The following RNF213 variants were observed in gnomAD, a reference collection of about 807,000 sequenced individuals.
RNF213 encodes the protein ring finger protein 213, also known as E3 ubiquitin-protein ligase RNF213.
In RNF213, 341 loss-of-function variants were observed where a neutral mutation model predicts 514.4. The observed-to-expected ratio is 0.66, with a 90% CI of 0.61 to 0.73. The LOEUF is 0.73. RNF213 is among the 30% of genes least tolerant of loss of function. The pLI, the probability that RNF213 is intolerant of heterozygous loss-of-function variation, is 0.00. For synonymous variants in RNF213, 2,655 were observed against 2,658.2 expected (o/e 1.00, Z 0.04); for missense variants, 5,767 against 6,615.6 (o/e 0.87, Z 4.45).
intron 57 of RNF213, chr17:80,381,968 C>T (rs2080025591): frequency 1.9e-6 from 1 of 533,086 alleles, no homozygotes; most frequent in Non-Finnish European, 3.4e-6. Flanking sequence ...TCCCTCCATT[C>T]ACCCCTGCCT....
At chr17:80,355,587 T>C (rs1599107493) in intron 36 of RNF213, among the ~76,000 whole-genome samples, 1 of 62,104 alleles carries the variant, frequency 1.6e-5, no homozygotes, top group Non-Finnish European at 3.2e-5. Flanking sequence ...TGAGTGGGAA[T>C]GGGGGCTTAC....
intron 62 of RNF213, 116 bp downstream of exon 62, chr17:80,386,546 C>A: frequency 7.1e-7 from 1 of 1,408,074 alleles, no homozygotes; most frequent in Non-Finnish European, 9.9e-7. Flanking sequence ...CTCCTTCAGC[C>A]GCCCCCACCA....
chr17:80,308,336 C>A lies in RNF213; in HGVS notation c.2502-682C>A, dbSNP rs150706422. Among the ~76,000 whole-genome samples, 4 of 152,186 alleles carry A rather than the reference C, an allele frequency of 2.6e-5. No individual in the cohort carries two copies. In the East Asian group the frequency reaches 7.7e-4, roughly 29 times the overall value. ...TCAGCCCAGGGAGTCCTTTCTTACA[C>A]CGCCTTCCCAGTCCCCTCCATCAAC... is the stretch of plus-strand genomic sequence containing the variant. On this transcript the variant is annotated intron_variant, in intron 13 of 67. Coordinates refer to ENST00000582970, the MANE Select transcript of RNF213 (RefSeq NM_001256071.3).
chr17:80,298,640 C>G lies in RNF213; in HGVS notation c.2210+122C>G. The G allele has an allele frequency of 2.9e-6, 3 of 1,029,940 alleles. No homozygotes were observed. The South Asian group carries it at 4.1e-5, about 14-fold the overall frequency. The allele number at this position is 1,029,940 out of a possible 1,614,324, so 63.8% of individuals were successfully genotyped here. A position where few individuals can be genotyped will look rare whatever the true frequency, so the allele number is the denominator to read the frequency against. On this transcript the variant is annotated intron_variant, in intron 11 of 67. Coordinates refer to ENST00000582970, the MANE Select transcript of RNF213 (RefSeq NM_001256071.3). ...CCTGATTCTAATGACAGAACTAACA[C>G]ACGCTCTTTTAACATTTTAAGACAT...
intron 36 of RNF213, 128 bp downstream of exon 36, chr17:80,354,704 C>A: frequency 8.1e-7 from 1 of 1,236,134 alleles, no homozygotes; most frequent in Non-Finnish European, 1.2e-6. Flanking sequence ...CTCAGCCATT[C>A]AAAGCTGTAA....
chr17:80,343,745 T>C lies in RNF213; in HGVS notation c.6184-112T>C. 1.8e-6 allele frequency: 2 copies of C among 1,099,596 alleles called. No homozygotes were observed. The highest frequency in any genetic ancestry group is 2.3e-5 in the East Asian group (1 of 42,556). 68.1% of individuals were successfully genotyped at this position (1,099,596 alleles called of 1,614,324 possible). ...GGGCCGTTGTTGGCTGAAATGTTGA[T>C]GTTGATCATCAGGATCATCGTGACA... On this transcript the variant is annotated intron_variant, in intron 27 of 67. Coordinates refer to ENST00000582970, the MANE Select transcript of RNF213 (RefSeq NM_001256071.3). This position sits in a 1 kb window ranked among gnomAD's most constrained non-coding sequence, Gnocchi z 4.3.
chr17:80,279,700 C>G (rs530321213), intron 3 of RNF213, among the ~76,000 whole-genome samples: 31 of 152,138 alleles, frequency 2.0e-4, no homozygotes, highest in Admixed American at 1.2e-3. Flanking sequence ...AACTCCTGGC[C>G]TCAAATGATC....
intron 48 of RNF213, 23 bp from the exon 49 acceptor site, chr17:80,372,952 C>T: frequency 3.7e-6 from 6 of 1,609,536 alleles, no homozygotes; most frequent in Non-Finnish European, 4.2e-6. Flanking sequence ...AGCCACTCAC[C>T]CGCTTTCTCG....
At position 80,383,709 on chromosome 17, in the gene RNF213, TCTC is replaced by T; in HGVS notation, c.14104_14106del (p.Leu4702del). ...ATAAAACCCTTCCCACCATGAATAATCTCATCAGCCAAGATAAGCGTATCAGCT... is the reference window on the plus strand; with the variant it reads ...ATAAAACCCTTCCCACCATGAATAATATCAGCCAAGATAAGCGTATCAGCT... On this transcript the variant is annotated inframe_deletion, in exon 59 of 68. Transcript: ENST00000582970. The T allele has an allele frequency of 1.9e-6, 3 of 1,613,932 alleles. No homozygotes were observed. The highest frequency in any genetic ancestry group is 2.5e-6 in the Non-Finnish European group (3 of 1,179,968).
intron 7 of RNF213, 45 bp downstream of exon 7, chr17:80,290,773 T>A (rs1344734380): frequency 6.2e-7 from 1 of 1,610,324 alleles, no homozygotes; most frequent in Non-Finnish European, 8.5e-7. Context: ...AGGGAAGGCA[T>A]AGGATGCCCA....
chr17:80,347,784 T>C lies in RNF213; in HGVS notation c.9449T>C (p.Val3150Ala). The C allele has an allele frequency of 1.9e-6, 3 of 1,614,182 alleles. No homozygotes were observed. Among genetic ancestry groups the C allele is most frequent in the Non-Finnish European group, 2.5e-6 (3 of 1,180,038 alleles). ...CRVHPNFRLI[V>A]IEEKDVVYKH... ...GTTCACCCCAACTTCCGCCTGATTG[T>C]CATTGAAGAGAAAGACGTCGTGTAC... The change falls in exon 29 of 68, where the codon GTC (valine) becomes GCC (alanine). Residue 3150 changes from valine (V) to alanine (A), a missense_variant. Val to Ala is a moderately conservative substitution (Grantham distance 64). Around this residue, in one of 13 missense-constraint regions of RNF213, gnomAD observed 919 missense variants for 1,121.0 expected, o/e 0.82. Transcript: ENST00000582970. The surrounding 1 kb of genome is among the most constrained non-coding windows in gnomAD (Gnocchi z 7.2).
In RNF213 at chr17:80,292,105, T is replaced by C. The variant is rs547335318; in HGVS notation, c.1471+278T>C. The C allele has an allele frequency of 7.0e-4, 347 of 497,334 alleles. 1 individual carries two copies. The highest frequency in any genetic ancestry group is 9.5e-4 in the Non-Finnish European group (257 of 271,086). 30.8% of individuals were successfully genotyped at this position (497,334 alleles called of 1,614,324 possible). ...GCAAAGGACTTTTTGTTTGTTTGTT[T>C]TCTGAGACAGAGTCTGTCGCTCAGG... On this transcript the variant is annotated intron_variant, in intron 8 of 67. Coordinates refer to ENST00000582970, the MANE Select transcript of RNF213 (RefSeq NM_001256071.3).
At position 80,363,618 on chromosome 17, in the gene RNF213, G is replaced by A. The variant is rs531538248; in HGVS notation, c.11578G>A (p.Ala3860Thr). 9 of 1,613,790 alleles carry A rather than the reference G, an allele frequency of 5.6e-6. No individual in the cohort carries two copies. Among genetic ancestry groups the A allele is most frequent in the Admixed American group, 5.0e-5 (3 of 60,028 alleles). ...ELAGCEMTLD[A>T]FAAMACTEML... is the part of the protein sequence containing the mutation. ...CTGTCCGTCTCCCCAGACCCTGGACGCATTTGCCGCAATGGCCTGCACGGA... is the reference window on the plus strand; with the variant it reads ...CTGTCCGTCTCCCCAGACCCTGGACACATTTGCCGCAATGGCCTGCACGGA... The change falls in exon 41 of 68, where the codon GCA (alanine) becomes ACA (threonine). Residue 3860 changes from alanine to threonine, a missense_variant. This residue lies in a region of RNF213 where 355 missense variants were observed against 358.0 expected (regional missense o/e 0.99). Transcript: ENST00000582970.
At position 80,374,360 on chromosome 17, in the gene RNF213, C is replaced by T. The variant is rs929670316; in HGVS notation, c.12943-98C>T. Reference sequence around the variant, plus strand: ...GAATCCCAGCTTGGCTGCCTTTAAACCTCGAATGATCAACCACCTGGTTCC... The same window carrying T: ...GAATCCCAGCTTGGCTGCCTTTAAATCTCGAATGATCAACCACCTGGTTCC... On this transcript the variant is annotated intron_variant, in intron 49 of 67. Coordinates refer to ENST00000582970, the MANE Select transcript of RNF213 (RefSeq NM_001256071.3). The T allele has an allele frequency of 6.5e-6, 10 of 1,539,094 alleles. No individual in the cohort carries two copies. In the African/African-American group the frequency reaches 8.2e-5, roughly 13 times the overall value.
In RNF213 at chr17:80,345,411, T is replaced by C. The variant is rs767534654; in HGVS notation, c.7076T>C (p.Val2359Ala). The C allele has an allele frequency of 1.9e-6, 3 of 1,613,796 alleles. No individual in the cohort carries two copies. Among genetic ancestry groups the C allele is most frequent in the Non-Finnish European group, 2.5e-6 (3 of 1,179,880 alleles). Residue 2359 changes from valine (V) to alanine (A), a missense_variant, in exon 29 of 68, where the codon GTG (valine) becomes GCG (alanine). This residue lies in a region of RNF213 where 1,377 missense variants were observed against 1,635.2 expected (regional missense o/e 0.84). Transcript: ENST00000582970. The surrounding 1 kb of genome is among the most constrained non-coding windows in gnomAD (Gnocchi z 6.0). ...DLYQGLLLQR[V>A]PFNVDFDKLP... ...TACCAGGGCCTGCTGCTCCAGAGGG[T>C]GCCCTTCAATGTCGACTTTGATAAA... is the stretch of plus-strand genomic sequence containing the variant.
In RNF213 at chr17:80,383,710, C is replaced by G. The variant is rs758814638; in HGVS notation, c.14104C>G (p.Leu4702Val). 1 of 1,613,938 alleles carries G rather than the reference C, an allele frequency of 6.2e-7. No homozygotes were observed. The highest frequency in any genetic ancestry group is 8.5e-7 in the Non-Finnish European group (1 of 1,179,962). ...LDKTLPTMNNLISQDKRISSN... is the reference protein window; with the variant it reads ...LDKTLPTMNNVISQDKRISSN... ...TAAAACCCTTCCCACCATGAATAAT[C>G]TCATCAGCCAAGATAAGCGTATCAG... The change falls in exon 59 of 68, where the codon CTC (leucine) becomes GTC (valine). Residue 4702 changes from leucine to valine, a missense_variant. Physicochemically the swap from Leu to Val is conservative, Grantham distance 32. Around this residue, in one of 13 missense-constraint regions of RNF213, gnomAD observed 1,245 missense variants for 1,339.0 expected, o/e 0.93. Transcript: ENST00000582970.
At chr17:80,375,963 T>A in intron 51 of RNF213, 93 bp downstream of exon 51, 1 of 1,006,098 alleles carries the variant, frequency 9.9e-7, no homozygotes. Context: ...AATCATACCA[T>A]AATTTTTTTA....
At chr17:80,372,819 A>C in intron 48 of RNF213, 85 bp downstream of exon 48, 2 of 1,431,498 alleles carry the variant, frequency 1.4e-6, no homozygotes, top group Non-Finnish European at 1.9e-6. Context: ...TAGTTCTTCG[A>C]ATAGACTACT....
At chr17:80,390,293 C>T (rs779366359) in intron 67 of RNF213, 97 bp downstream of exon 67, 26 of 1,376,800 alleles carry the variant, frequency 1.9e-5, no homozygotes, top group Non-Finnish European at 2.7e-5. Context: ...TTTCTTACCA[C>T]AGAATCCCAT....
Sources: gnomAD v4.1 joint callset for allele counts (sites outside exome capture counted in the v4.1 genomes callset) on GRCh38, gnomAD v4.1.1 for gene constraint, gnomAD v4.1.1 regional missense constraint, Gnocchi (gnomAD v3.1) non-coding constraint, MANE v1.5 for transcripts, NCBI Gene and HGNC (gene_info 2026-07-23, HGNC 2026-07-21) for gene names.